Variants in SLMAP observed in about 807,000 individuals in gnomAD.
SLMAP encodes the protein sarcolemmal membrane-associated protein.
In SLMAP, 44 loss-of-function variants were observed where a neutral mutation model predicts 128.8. The observed-to-expected ratio is 0.34, with a 90% confidence interval of 0.27 to 0.44. The LOEUF (loss-of-function observed/expected upper bound fraction) is 0.44. Ranked by LOEUF, SLMAP falls within the 20% of genes least tolerant of loss-of-function variation. The probability of loss-of-function intolerance (pLI) is 1.00; values close to 1 mark genes in which losing one functional copy is unlikely to be tolerated. For synonymous variants in SLMAP, 327 were observed against 348.8 expected, an observed-to-expected ratio of 0.94 and a Z score of 0.70; for missense variants, 787 against 985.3, an observed-to-expected ratio of 0.80 and a Z score of 2.69.
intron 2 of SLMAP, among the ~76,000 whole-genome samples, chr3:57,772,685 G>T (rs1368758941): frequency 6.6e-6 from 1 of 151,626 alleles, no homozygotes; most frequent in African/African-American, 2.4e-5. Context: ...TTGTTGCCCA[G>T]GCTGGAGTGC....
chr3:57,760,490 G>A (rs951248187), intron 2 of SLMAP, among the ~76,000 whole-genome samples: 1 of 152,170 alleles, frequency 6.6e-6, no homozygotes, highest in Admixed American at 6.5e-5. Context: ...TGGACAGATA[G>A]TAGGTTTTAA....
At chr3:57,880,920 A>G (rs2095721520) in intron 14 of SLMAP, among the ~76,000 whole-genome samples, 1 of 152,112 alleles carries the variant, frequency 6.6e-6, no homozygotes, top group Non-Finnish European at 1.5e-5. Context: ...GGCTGGGCGC[A>G]GTGGCTCAAG....
intron 5 of SLMAP, among the ~76,000 whole-genome samples, chr3:57,848,242 T>G (rs1291211902): frequency 6.6e-6 from 1 of 150,508 alleles, no homozygotes; most frequent in Non-Finnish European, 1.5e-5. Flanking sequence ...CTTGGTTTTT[T>G]CTCCTTCTTC....
At chr3:57,870,599 G>A (rs1362617484) in intron 13 of SLMAP, among the ~76,000 whole-genome samples, 2 of 152,162 alleles carry the variant, frequency 1.3e-5, no homozygotes, top group African/African-American at 4.8e-5. Flanking sequence ...GTAGCCAACA[G>A]GAAGGATGTA....
chr3:57,929,866 GATA>G lies in SLMAP; in HGVS notation c.*2580_*2582del, dbSNP rs2097052358. On this transcript the variant is annotated 3_prime_UTR_variant, in exon 25 of 25. Transcript: ENST00000671191. ...GTGGTAGTAGTGTGAACATTAAAAAGATAATGTATGTGAAGTACCATTCGAGTG... is the reference window on the plus strand; with the variant it reads ...GTGGTAGTAGTGTGAACATTAAAAAGATGTATGTGAAGTACCATTCGAGTG... 6.6e-6 allele frequency among the ~76,000 whole-genome samples: 1 copy of G among 152,168 alleles called. No homozygotes were observed. The highest frequency in any genetic ancestry group is 1.5e-5 in the Non-Finnish European group (1 of 68,030).
chr3:57,791,484 T>G (rs1215466581), intron 2 of SLMAP, among the ~76,000 whole-genome samples: 3 of 152,232 alleles, frequency 2.0e-5, no homozygotes, highest in Non-Finnish European at 2.9e-5. Flanking sequence ...CACTGTCACT[T>G]CCTTATTGTA....
At chr3:57,893,952 T>C (rs1448644055) in intron 15 of SLMAP, among the ~76,000 whole-genome samples, 1 of 152,192 alleles carries the variant, frequency 6.6e-6, no homozygotes, top group Non-Finnish European at 1.5e-5. Flanking sequence ...CAAAGACTTC[T>C]TGAAATTCAT....
intron 22 of SLMAP, chr3:57,918,396 G>C (rs2096853943): frequency 1.3e-5 from 2 of 152,204 alleles, no homozygotes; most frequent in African/African-American, 4.8e-5. Context: ...TGCTTTAACT[G>C]TTTCCACAAA....
intron 2 of SLMAP, among the ~76,000 whole-genome samples, chr3:57,774,728 G>A (rs948452261): frequency 4.4e-4 from 67 of 152,070 alleles, no homozygotes; most frequent in Non-Finnish European, 8.2e-4. Flanking sequence ...CTTTCATCAT[G>A]TTGGCCAGGC....
At chr3:57,826,135 T>C (rs778877030) in intron 2 of SLMAP, among the ~76,000 whole-genome samples, 17 of 152,176 alleles carry the variant, frequency 1.1e-4, no homozygotes, top group Non-Finnish European at 2.5e-4. Context: ...GCCTTCTAAT[T>C]TGTATTCATT....
intron 3 of SLMAP, 76 bp downstream of exon 3, chr3:57,831,606 A>G: frequency 9.7e-7 from 1 of 1,033,384 alleles, no homozygotes. Flanking sequence ...ACTTGACATT[A>G]TGAAACATTA....
At chr3:57,861,828 G>C (rs965438708) in intron 9 of SLMAP, 121 bp from the exon 10 acceptor site, 1 of 772,568 alleles carries the variant, frequency 1.3e-6, no homozygotes, top group African/African-American at 1.8e-5. Flanking sequence ...TAAAGTCCAG[G>C]GCAGATGTTG....
chr3:57,809,507 A>G (rs779734418), intron 2 of SLMAP, among the ~76,000 whole-genome samples: 1 of 152,200 alleles, frequency 6.6e-6, no homozygotes, highest in East Asian at 1.9e-4. Context: ...GCACTGGCCT[A>G]CAGGTACCCC....
intron 15 of SLMAP, among the ~76,000 whole-genome samples, chr3:57,893,132 T>G (rs987837619): frequency 3.3e-5 from 5 of 151,712 alleles, no homozygotes; most frequent in Non-Finnish European, 5.9e-5. Context: ...TTATTCAGAG[T>G]AGATATATGC....
chr3:57,897,037 G>T, intron 17 of SLMAP, 105 bp downstream of exon 17: 1 of 1,540,394 alleles, frequency 6.5e-7, no homozygotes, highest in East Asian at 2.4e-5. Context: ...TTAGTTAAGA[G>T]ATTAAGATAG....
intron 14 of SLMAP, among the ~76,000 whole-genome samples, chr3:57,878,648 G>A (rs540805666): frequency 5.9e-5 from 9 of 152,264 alleles, no homozygotes; most frequent in Non-Finnish European, 1.2e-4. Flanking sequence ...AATTGAGATC[G>A]TATTTACTAA....
Position 57,912,578 on chromosome 3 carries a change from C to G in SLMAP, c.1897C>G (p.Leu633Val). Residue 633 changes from leucine to valine, a missense_variant, in exon 20 of 25, where the codon CTT becomes GTT. Physicochemically the swap from Leu to Val is conservative, Grantham distance 32. Transcript: ENST00000671191. ...QEELKKVRAE[L>V]ERWRKAASEY... ...AGAGCTTAAGAAGGTGAGAGCTGAG[C>G]TTGAGCGGTGGCGGAAAGCAGCGTC... The G allele has an allele frequency of 1.2e-6, 2 of 1,614,110 alleles. No homozygotes were observed. The highest frequency in any genetic ancestry group is 1.7e-6 in the Non-Finnish European group (2 of 1,179,998).
intron 17 of SLMAP, chr3:57,898,901 T>G (rs1018775521): frequency 2.6e-5 from 4 of 152,126 alleles, no homozygotes; most frequent in African/African-American, 9.7e-5. Context: ...AAAACCAACT[T>G]TATAGGTTTA....
chr3:57,789,370 GA>G (rs1288998126), intron 2 of SLMAP, among the ~76,000 whole-genome samples: 1 of 152,038 alleles, frequency 6.6e-6, no homozygotes, highest in Non-Finnish European at 1.5e-5. Flanking sequence ...TAAGTGGTTG[GA>G]AAATTACTAA....
Sources: allele counts gnomAD v4.1 joint callset (sites outside exome capture counted in the v4.1 genomes callset), GRCh38; gene constraint gnomAD v4.1.1; transcripts MANE v1.5; gene names NCBI Gene and HGNC (gene_info 2026-07-23, HGNC 2026-07-21).